Variants in DOCK3 observed in about 807,000 individuals in gnomAD.
DOCK3 encodes the protein dedicator of cytokinesis 3, also known as dedicator of cytokinesis protein 3.
Under a neutral mutation model 265.6 loss-of-function variants are expected in DOCK3, and 60 were observed. The ratio of observed to expected loss-of-function variants is 0.23; its 90% CI spans 0.18 to 0.28. The LOEUF (loss-of-function observed/expected upper bound fraction) is 0.28. DOCK3 is among the 10% of genes least tolerant of loss of function. The probability of loss-of-function intolerance (pLI) is 1.00; values close to 1 mark genes in which losing one functional copy is unlikely to be tolerated. For synonymous variants in DOCK3, 881 were observed against 938.0 expected (o/e 0.94, Z 1.11); for missense variants, 1,981 against 2,594.3 (o/e 0.76, Z 5.14).
chr3:51,284,369 C>A (rs191040526), intron 27 of DOCK3, among the ~76,000 whole-genome samples: 1 of 152,224 alleles, frequency 6.6e-6, no homozygotes, highest in East Asian at 1.9e-4. Context: ...GGGTTTATGC[C>A]ATGCATCAAG....
intron 12 of DOCK3, among the ~76,000 whole-genome samples, chr3:51,192,528 T>G (rs780842317): frequency 7.9e-5 from 12 of 151,852 alleles, no homozygotes; most frequent in Non-Finnish European, 1.8e-4. Flanking sequence ...AATAAAAAAG[T>G]AGGAGCAGCA....
intron 12 of DOCK3, among the ~76,000 whole-genome samples, chr3:51,184,940 C>T (rs2087509309): frequency 6.6e-6 from 1 of 152,124 alleles, no homozygotes; most frequent in Non-Finnish European, 1.5e-5. Flanking sequence ...GATCTTCCTC[C>T]TCAAAACACA....
chr3:51,041,711 G>T (rs1289413806), intron 5 of DOCK3, among the ~76,000 whole-genome samples: 1 of 152,058 alleles, frequency 6.6e-6, no homozygotes, highest in Non-Finnish European at 1.5e-5. Context: ...TGAGCAATAG[G>T]TCTCAGCGGT....
At chr3:51,372,405 G>A (rs1439734113) in intron 49 of DOCK3, among the ~76,000 whole-genome samples, 1 of 152,242 alleles carries the variant, frequency 6.6e-6, no homozygotes, top group Non-Finnish European at 1.5e-5. Context: ...TGGTGGCACA[G>A]AGCACCCCTT....
chr3:51,091,189 A>G (rs2082622749), intron 9 of DOCK3, among the ~76,000 whole-genome samples: 1 of 152,158 alleles, frequency 6.6e-6, no homozygotes, highest in African/African-American at 2.4e-5. Context: ...AGTGGTATTG[A>G]TGAAAGCTAA....
intron 5 of DOCK3, among the ~76,000 whole-genome samples, chr3:50,953,693 C>G (rs138394335): frequency 6.6e-6 from 1 of 152,212 alleles, no homozygotes; most frequent in Non-Finnish European, 1.5e-5. Flanking sequence ...GTTCGTCTGA[C>G]TATTGTCATA....
At chr3:51,285,713 T>A (rs975197699) in intron 27 of DOCK3, among the ~76,000 whole-genome samples, 1 of 151,980 alleles carries the variant, frequency 6.6e-6, no homozygotes, top group Non-Finnish European at 1.5e-5. Flanking sequence ...GGTGGGCAGA[T>A]CATGAGGTCA....
intron 21 of DOCK3, among the ~76,000 whole-genome samples, chr3:51,239,220 T>TTTATTTATTTATTTAG (rs2078486924): frequency 6.6e-6 from 1 of 151,484 alleles, no homozygotes; most frequent in African/African-American, 2.4e-5. Context: ...TATTTATTTA[T>TTTATTTATTTATTTAG]TTATTTAGAG....
chr3:51,264,914 GC>G (rs2080079895), intron 23 of DOCK3, among the ~76,000 whole-genome samples: 2 of 151,812 alleles, frequency 1.3e-5, no homozygotes, highest in South Asian at 4.1e-4. Flanking sequence ...TAATCTGGAA[GC>G]TGGTTTTTTG....
Position 51,036,682 on chromosome 3 carries a change from A to AT in DOCK3, c.316-27754dup, listed in dbSNP as rs368897520. Among the ~76,000 whole-genome samples the AT allele has an allele frequency of 2.6e-3, 381 of 147,272 alleles. 2 individuals carry two copies. The highest frequency in any genetic ancestry group is 0.021 in the Middle Eastern group (6 of 284). On this transcript the variant is annotated intron_variant, in intron 5 of 52. Transcript: ENST00000266037. ...TGTATTTGGAGTCACGACTAGGTTAATTTTTTTTTTTTAACAAAACATGTC... is the reference window on the plus strand; with the variant it reads ...TGTATTTGGAGTCACGACTAGGTTAATTTTTTTTTTTTTAACAAAACATGTC...
At chr3:50,775,661 G>C (rs1030795069) in intron 1 of DOCK3, among the ~76,000 whole-genome samples, 7 of 152,056 alleles carry the variant, frequency 4.6e-5, no homozygotes, top group African/African-American at 2.4e-5. Flanking sequence ...GTTCTTTAGT[G>C]ATGAAATGTG....
At chr3:51,131,938 C>T (rs1231401471) in intron 9 of DOCK3, among the ~76,000 whole-genome samples, 1 of 152,174 alleles carries the variant, frequency 6.6e-6, no homozygotes, top group East Asian at 1.9e-4. Flanking sequence ...GTTGCCCTCA[C>T]AAATCTGTTT....
chr3:50,773,514 A>T (rs1173352039), intron 1 of DOCK3, among the ~76,000 whole-genome samples: 6 of 152,126 alleles, frequency 3.9e-5, no homozygotes, highest in Non-Finnish European at 8.8e-5. Flanking sequence ...TGTTCTTGTT[A>T]ATTAGTGATG....
rs377450002 is a variant in DOCK3, at chr3:51,277,705, A to G, written c.2774A>G (p.Gln925Arg). Residue 925 changes from glutamine to arginine, a missense_variant, in exon 26 of 53, where the codon CAG (glutamine) becomes CGG (arginine). Gln to Arg is a conservative substitution (Grantham distance 43). Around this residue, in one of 4 missense-constraint regions of DOCK3, gnomAD observed 1,357 missense variants for 1,866.8 expected, o/e 0.73. Coordinates refer to ENST00000266037, the MANE Select transcript of DOCK3 (RefSeq NM_004947.5). ...ACCATCATGAGCAAATCGCACGCTC[A>G]GGAGGCGGTAAGAGGGCAGCGGTGC... ...LLTIMSKSHAQEAVRGQRCPQ... is the reference protein window; with the variant it reads ...LLTIMSKSHAREAVRGQRCPQ... 1.2e-6 allele frequency: 2 copies of G among 1,611,756 alleles called. No homozygotes were observed. Among genetic ancestry groups the G allele is most frequent in the Non-Finnish European group, 1.7e-6 (2 of 1,179,214 alleles).
At chr3:51,150,486 T>A (rs536705979) in intron 10 of DOCK3, among the ~76,000 whole-genome samples, 1 of 152,354 alleles carries the variant, frequency 6.6e-6, no homozygotes, top group South Asian at 2.1e-4. Flanking sequence ...TGCTATACAT[T>A]TCCCTCTACA....
intron 2 of DOCK3, among the ~76,000 whole-genome samples, chr3:50,799,653 A>C (rs755033014): frequency 1.9e-4 from 29 of 152,284 alleles, no homozygotes; most frequent in Non-Finnish European, 3.4e-4. Context: ...TCATCTGCAA[A>C]CAGGGACAGT....
intron 19 of DOCK3, among the ~76,000 whole-genome samples, chr3:51,231,210 C>T (rs1199998746): frequency 2.3e-5 from 3 of 132,030 alleles, no homozygotes; most frequent in Non-Finnish European, 4.7e-5. Context: ...CTCACTGCAA[C>T]CTCCGCCTCC....
intron 13 of DOCK3, among the ~76,000 whole-genome samples, chr3:51,209,190 G>A (rs1047111133): frequency 3.9e-5 from 6 of 152,136 alleles, no homozygotes; most frequent in African/African-American, 1.4e-4. Flanking sequence ...ATTATACTCA[G>A]CCAAATAAAT....
intron 9 of DOCK3, among the ~76,000 whole-genome samples, chr3:51,145,062 A>G (rs2085235186): frequency 1.3e-5 from 2 of 152,194 alleles, no homozygotes. Context: ...TAGTCCAATA[A>G]TTGTAATTTC....
Sources: gnomAD v4.1 joint callset for allele counts (sites outside exome capture counted in the v4.1 genomes callset) on GRCh38, gnomAD v4.1.1 for gene constraint, gnomAD v4.1.1 regional missense constraint, MANE v1.5 for transcripts, NCBI Gene and HGNC (gene_info 2026-07-23, HGNC 2026-07-21) for gene names.